The following MYCBP2 variants were observed in gnomAD, a reference collection of about 807,000 sequenced individuals.
The protein encoded by MYCBP2 is E3 ubiquitin-protein ligase MYCBP2.
MYCBP2 carries 120 observed loss-of-function variants against 525.3 expected under a neutral mutation model. The observed-to-expected ratio is 0.23, with a 90% CI of 0.20 to 0.27. The LOEUF (loss-of-function observed/expected upper bound fraction) is 0.27. MYCBP2 is among the 10% of genes least tolerant of loss of function. The pLI, the probability that MYCBP2 is intolerant of heterozygous loss-of-function variation, is 1.00. For missense variants in MYCBP2, 4,149 were observed against 5,657.1 expected (o/e 0.73, Z 8.55); for synonymous variants, 1,894 against 1,955.8 (o/e 0.97, Z 0.83).
Position 77,146,185 on chromosome 13 carries a change from A to G in MYCBP2, c.7164T>C (p.Arg2388=). Residue 2388 remains arginine (R), a synonymous_variant, in exon 48 of 83, where the codon CGT becomes CGC. Coordinates refer to ENST00000544440, the MANE Select transcript of MYCBP2 (RefSeq NM_015057.5). The part of the protein sequence containing the change: ...VYENYSFEEL[R]FASPTPKRPS... Reference sequence around the variant, plus strand: ...ACCTCTTAGGAGTTGGTGATGCAAAACGTAGTTCTTCAAATGAATAATTTT... The same window carrying G: ...ACCTCTTAGGAGTTGGTGATGCAAAGCGTAGTTCTTCAAATGAATAATTTT... The G allele has an allele frequency of 6.3e-7, 1 of 1,598,914 alleles. No individual in the cohort carries two copies. The highest frequency in any genetic ancestry group is 8.5e-7 in the Non-Finnish European group (1 of 1,173,542).
At chr13:77,252,563 T>C (rs932628516) in intron 14 of MYCBP2, among the ~76,000 whole-genome samples, 2 of 152,166 alleles carry the variant, frequency 1.3e-5, no homozygotes, top group African/African-American at 4.8e-5. Context: ...TCCTAAAGGA[T>C]CTAAGTTATG....
intron 74 of MYCBP2, 35 bp from the exon 75 acceptor site, chr13:77,061,825 C>T (rs1298257386): frequency 1.3e-6 from 2 of 1,534,022 alleles, no homozygotes; most frequent in South Asian, 1.3e-5. Flanking sequence ...CTTAGATTAA[C>T]AAGCAAGTCT....
At chr13:77,178,610 C>T (rs137952837) in intron 34 of MYCBP2, among the ~76,000 whole-genome samples, 34 of 152,310 alleles carry the variant, frequency 2.2e-4, no homozygotes, top group Admixed American at 5.9e-4. Context: ...GGGTTGAAAT[C>T]GCTCTTTTTA....
chr13:77,092,838 A>G (rs899191686), intron 59 of MYCBP2, among the ~76,000 whole-genome samples: 5 of 152,190 alleles, frequency 3.3e-5, no homozygotes, highest in Non-Finnish European at 5.9e-5. Context: ...ACAATAATCC[A>G]AGAAGTTTAA....
At chr13:77,057,312 TCTC>T (rs1467888544) in intron 78 of MYCBP2, among the ~76,000 whole-genome samples, 1 of 152,214 alleles carries the variant, frequency 6.6e-6, no homozygotes, top group Non-Finnish European at 1.5e-5. Context: ...GCCTTTGGCT[TCTC>T]CTGCTTTTTA....
intron 13 of MYCBP2, among the ~76,000 whole-genome samples, chr13:77,259,456 A>G (rs955431647): frequency 1.3e-5 from 2 of 152,224 alleles, no homozygotes; most frequent in Admixed American, 6.5e-5. Context: ...AGAAATATAC[A>G]AGTTTCCATC....
intron 68 of MYCBP2, chr13:77,075,931 TTAAGAAA>T (rs1184969360): frequency 6.6e-6 from 1 of 152,204 alleles, no homozygotes; most frequent in African/African-American, 2.4e-5. Context: ...TACTACTGTA[TTAAGAAA>T]CACAGGGTGA....
chr13:77,057,511 G>T (rs1466138819), intron 78 of MYCBP2, among the ~76,000 whole-genome samples: 2 of 152,080 alleles, frequency 1.3e-5, no homozygotes, highest in East Asian at 1.9e-4. Context: ...CCTATTTAGT[G>T]CACAGTAACT....
At chr13:77,266,759 A>C (rs530368486) in intron 8 of MYCBP2, among the ~76,000 whole-genome samples, 9 of 150,176 alleles carry the variant, frequency 6.0e-5, no homozygotes, top group African/African-American at 9.8e-5. Flanking sequence ...AAAAAAAAAA[A>C]AAAAAAAAAC....
At chr13:77,129,124 T>C in intron 52 of MYCBP2, 1 of 397,392 alleles carries the variant, frequency 2.5e-6, no homozygotes, top group African/African-American at 2.1e-5. Context: ...AATACCTGAA[T>C]AAAATATTAT....
intron 24 of MYCBP2, 55 bp downstream of exon 24, chr13:77,206,598 A>T (rs961849011): frequency 5.6e-6 from 8 of 1,431,022 alleles, no homozygotes; most frequent in Non-Finnish European, 4.6e-6. Context: ...CTAAAAAAAA[A>T]CCCTGGACAG....
chr13:77,235,084 A>G (rs1011333514), intron 17 of MYCBP2, among the ~76,000 whole-genome samples: 1 of 152,086 alleles, frequency 6.6e-6, no homozygotes, highest in East Asian at 1.9e-4. Context: ...TTGAGTCACT[A>G]ATTTATTCAC....
chr13:77,245,629 T>C (rs1278110566), intron 15 of MYCBP2, among the ~76,000 whole-genome samples: 1 of 151,358 alleles, frequency 6.6e-6, no homozygotes, highest in African/African-American at 2.4e-5. Context: ...AGGGGAGGGA[T>C]AGCATTAGGA....
chr13:77,146,012 A>G (rs897922541), intron 48 of MYCBP2, 150 bp downstream of exon 48: 2 of 507,230 alleles, frequency 3.9e-6, no homozygotes, highest in Admixed American at 7.4e-5. Flanking sequence ...CTGCAAATCT[A>G]TACATTATTA....
chr13:77,161,955 C>T lies in MYCBP2; in HGVS notation c.6548G>A (p.Gly2183Asp), dbSNP rs756155388. ...TTCAAGGTCTTCTTCTAATTCATTA[C>T]CTGTTGTGTAAATAAAGAGTTTTAC... Reference protein sequence around the residue: ...LMKKDLALPIGNELEEDLEIL... With the variant: ...LMKKDLALPIDNELEEDLEIL... The change falls in exon 44 of 83, where the codon GGT becomes GAT. Residue 2183 changes from glycine to aspartate, a missense_variant and splice_region_variant. This residue lies in a region of MYCBP2 where 692 missense variants were observed against 852.7 expected (regional missense o/e 0.81). Transcript: ENST00000544440. 2.5e-6 allele frequency: 4 copies of T among 1,598,640 alleles called. No homozygotes were observed. The East Asian group carries it at 9.0e-5, about 36-fold the overall frequency.
intron 48 of MYCBP2, 123 bp downstream of exon 48, chr13:77,146,039 G>T: frequency 1.7e-6 from 1 of 582,004 alleles, no homozygotes; most frequent in Non-Finnish European, 2.9e-6. Context: ...ATCTCTATCG[G>T]CAACCTAGAA....
intron 4 of MYCBP2, among the ~76,000 whole-genome samples, chr13:77,275,312 G>A (rs1190907441): frequency 6.6e-6 from 1 of 152,150 alleles, no homozygotes; most frequent in Non-Finnish European, 1.5e-5. Flanking sequence ...GGCATGTAAA[G>A]CTCTGCATGT....
chr13:77,294,120 A>ATATATATATATATG (rs1555465620), intron 2 of MYCBP2, among the ~76,000 whole-genome samples: 5 of 65,622 alleles, frequency 7.6e-5, no homozygotes, highest in African/African-American at 2.0e-4. Context: ...ATATATATAT[A>ATATATATATATATG]TATATATATA....
intron 2 of MYCBP2, among the ~76,000 whole-genome samples, chr13:77,288,893 G>A (rs1034818686): frequency 1.3e-5 from 2 of 152,168 alleles, no homozygotes; most frequent in African/African-American, 4.8e-5. Context: ...CAAGTAAACT[G>A]TAGATGCTTC....
Sources: gnomAD v4.1 joint callset for allele counts (sites outside exome capture counted in the v4.1 genomes callset) on GRCh38, gnomAD v4.1.1 for gene constraint, gnomAD v4.1.1 regional missense constraint, MANE v1.5 for transcripts, NCBI Gene and HGNC (gene_info 2026-07-23, HGNC 2026-07-21) for gene names.